CADM2: variants seen among roughly 807,000 people sequenced by gnomAD.
CADM2 encodes cell adhesion molecule 2, also known as immunoglobulin superfamily member 4D.
In CADM2, 12 loss-of-function variants were observed where a neutral mutation model predicts 49.8. The observed-to-expected ratio is 0.24, with a 90% CI of 0.15 to 0.39. The LOEUF (loss-of-function observed/expected upper bound fraction) is 0.39. Among genes scored for constraint, CADM2 ranks in the 10% least tolerant of loss-of-function variants. The pLI is 1.00. For missense variants in CADM2, 378 were observed against 492.3 expected, an observed-to-expected ratio of 0.77 and a Z score of 2.20; for synonymous variants, 214 against 175.4, an observed-to-expected ratio of 1.22 and a Z score of -1.74.
intron 8 of CADM2, among the ~76,000 whole-genome samples, chr3:86,061,960 A>G (rs1738697849): frequency 6.8e-6 from 1 of 147,034 alleles, no homozygotes; most frequent in Non-Finnish European, 1.5e-5. Context: ...ATATGGAGAA[A>G]AGAATCCCTC....
chr3:85,304,238 A>C (rs2107008171), intron 1 of CADM2, among the ~76,000 whole-genome samples: 1 of 151,966 alleles, frequency 6.6e-6, no homozygotes, highest in South Asian at 2.1e-4. Flanking sequence ...TCAAAGTGGT[A>C]GACGTGTTAT....
chr3:85,508,386 A>G (rs533754069), intron 1 of CADM2, among the ~76,000 whole-genome samples: 1 of 152,288 alleles, frequency 6.6e-6, no homozygotes, highest in Non-Finnish European at 1.5e-5. Flanking sequence ...GTATTCTGTG[A>G]AGAGACAGAC....
intron 7 of CADM2, among the ~76,000 whole-genome samples, chr3:85,952,264 A>T (rs927376010): frequency 6.6e-6 from 1 of 150,910 alleles, no homozygotes; most frequent in East Asian, 2.0e-4. Flanking sequence ...TCTTGCTCCA[A>T]TGACACTATT....
chr3:85,941,515 G>A (rs1721904271), intron 7 of CADM2, among the ~76,000 whole-genome samples: 1 of 152,058 alleles, frequency 6.6e-6, no homozygotes, highest in Non-Finnish European at 1.5e-5. Context: ...AGAGAGAAGA[G>A]AGGCAGTGTC....
At chr3:85,652,059 C>A (rs1197465302) in intron 1 of CADM2, among the ~76,000 whole-genome samples, 1 of 149,952 alleles carries the variant, frequency 6.7e-6, no homozygotes, top group Non-Finnish European at 1.5e-5. Context: ...CCTCGTGATC[C>A]ACCCACCTCA....
chr3:85,825,356 A>T (rs1205135974), intron 3 of CADM2, among the ~76,000 whole-genome samples: 1 of 152,096 alleles, frequency 6.6e-6, no homozygotes, highest in South Asian at 2.1e-4. Flanking sequence ...GGTATTACTT[A>T]CTATCCCTAA....
chr3:85,971,343 G>A (rs540054196), intron 8 of CADM2, among the ~76,000 whole-genome samples: 24 of 151,696 alleles, frequency 1.6e-4, no homozygotes, highest in African/African-American at 5.8e-4. Context: ...GGTCTAAAAG[G>A]ATTTATATAA....
At chr3:85,572,556 C>A (rs962773251) in intron 1 of CADM2, among the ~76,000 whole-genome samples, 16 of 152,032 alleles carry the variant, frequency 1.1e-4, no homozygotes, top group African/African-American at 3.9e-4. Flanking sequence ...GAGTCTTCTG[C>A]AAGCTGGAGA....
chr3:85,985,101 T>C (rs936937300), intron 8 of CADM2, among the ~76,000 whole-genome samples: 1 of 151,956 alleles, frequency 6.6e-6, no homozygotes, highest in Non-Finnish European at 1.5e-5. Context: ...TGGGGTGCTA[T>C]AATGAAATTT....
At chr3:85,466,028 C>A (rs1353795139) in intron 1 of CADM2, among the ~76,000 whole-genome samples, 1 of 152,136 alleles carries the variant, frequency 6.6e-6, no homozygotes, top group East Asian at 1.9e-4. Flanking sequence ...TATCTTATAT[C>A]CTTGTGGATA....
chr3:85,798,397 T>C (rs1247112690), intron 2 of CADM2, among the ~76,000 whole-genome samples: 2 of 152,326 alleles, frequency 1.3e-5, no homozygotes, highest in African/African-American at 2.4e-5. Context: ...TTTTACGGTT[T>C]CAGATCTTAA....
intron 1 of CADM2, among the ~76,000 whole-genome samples, chr3:85,099,296 CCAATAACATAA>C (rs2037922454): frequency 6.6e-6 from 1 of 152,024 alleles, no homozygotes; most frequent in African/African-American, 2.4e-5. Context: ...TTCTCAAAGT[CCAATAACATAA>C]CATGGCATAA....
intron 1 of CADM2, among the ~76,000 whole-genome samples, chr3:85,304,687 G>T (rs1424964307): frequency 2.0e-5 from 3 of 151,846 alleles, no homozygotes; most frequent in East Asian, 3.9e-4. Context: ...TAATAATTTA[G>T]AATTGATTTG....
At chr3:85,655,697 C>A (rs1316163971) in intron 1 of CADM2, among the ~76,000 whole-genome samples, 1 of 152,032 alleles carries the variant, frequency 6.6e-6, no homozygotes, top group Non-Finnish European at 1.5e-5. Context: ...GTAAAAGAAT[C>A]AGAAATTCAA....
At chr3:85,774,042 G>A (rs1322972414) in intron 2 of CADM2, among the ~76,000 whole-genome samples, 2 of 151,728 alleles carry the variant, frequency 1.3e-5, no homozygotes, top group Admixed American at 6.6e-5. Context: ...ACCTTGGCAC[G>A]TAGCTTTTGT....
chr3:85,819,985 C>T (rs2073451453), intron 3 of CADM2, among the ~76,000 whole-genome samples: 1 of 151,998 alleles, frequency 6.6e-6, no homozygotes, highest in African/African-American at 2.4e-5. Context: ...TGAGAGAAAG[C>T]TTCATGAAGG....
At chr3:85,154,646 C>T (rs973302956) in intron 1 of CADM2, among the ~76,000 whole-genome samples, 3 of 150,812 alleles carry the variant, frequency 2.0e-5, no homozygotes, top group Non-Finnish European at 2.9e-5. Flanking sequence ...GTCAGATTCA[C>T]CGAAGTTGAA....
chr3:86,058,012 A>G (rs1042254633), intron 8 of CADM2, among the ~76,000 whole-genome samples: 2 of 152,318 alleles, frequency 1.3e-5, no homozygotes, highest in East Asian at 1.9e-4. Flanking sequence ...CGAGATAACT[A>G]TGATTTTTCT....
At chr3:85,127,481 T>C (rs1351840260) in intron 1 of CADM2, among the ~76,000 whole-genome samples, 1 of 152,224 alleles carries the variant, frequency 6.6e-6, no homozygotes, top group African/African-American at 2.4e-5. Context: ...TATGATTGGC[T>C]TTGCCCGTTT....
Sources: gnomAD v4.1 joint callset for allele counts (sites outside exome capture counted in the v4.1 genomes callset) on GRCh38, gnomAD v4.1.1 for gene constraint, MANE v1.5 for transcripts, NCBI Gene and HGNC (gene_info 2026-07-23, HGNC 2026-07-21) for gene names.